PRDM16: variants seen among roughly 807,000 people sequenced by gnomAD.
PRDM16 encodes the protein histone-lysine N-methyltransferase PRDM16.
A neutral mutation model predicts 110.6 loss-of-function variants in PRDM16; 23 were observed. The observed-to-expected ratio is 0.21, with a 90% confidence interval of 0.15 to 0.29. The LOEUF (loss-of-function observed/expected upper bound fraction) is 0.29, where lower values mean the gene tolerates loss of function less well. PRDM16 is among the 10% of genes least tolerant of loss of function. The pLI is 1.00. For synonymous variants in PRDM16, 799 were observed against 781.8 expected, an observed-to-expected ratio of 1.02 and a Z score of -0.37; for missense variants, 1,615 against 1,794.3, an observed-to-expected ratio of 0.90 and a Z score of 1.81.
At chr1:3,176,419 T>C (rs1569765252) in intron 1 of PRDM16, among the ~76,000 whole-genome samples, 2 of 151,300 alleles carry the variant, frequency 1.3e-5, no homozygotes, top group East Asian at 4.0e-4. Flanking sequence ...GGGTCCTGCC[T>C]CTTTCAGAGC....
chr1:3,239,933 G>T (rs563921495), intron 2 of PRDM16, among the ~76,000 whole-genome samples: 1 of 151,654 alleles, frequency 6.6e-6, no homozygotes, highest in East Asian at 1.9e-4. Flanking sequence ...GGAGGCTGGG[G>T]GTGGGCGGGG....
At chr1:3,305,726 C>T (rs992989373) in intron 3 of PRDM16, among the ~76,000 whole-genome samples, 2 of 152,240 alleles carry the variant, frequency 1.3e-5, no homozygotes, top group African/African-American at 4.8e-5. Flanking sequence ...AGCTCCGCGA[C>T]TTTTGCAAGT....
At chr1:3,276,716 C>T (rs1275952785) in intron 3 of PRDM16, among the ~76,000 whole-genome samples, 1 of 136,202 alleles carries the variant, frequency 7.3e-6, no homozygotes, top group African/African-American at 3.4e-5. Flanking sequence ...ACAGAGCCAG[C>T]GAGGGGTGCC....
intron 3 of PRDM16, among the ~76,000 whole-genome samples, chr1:3,342,937 A>T (rs1041190563): frequency 6.6e-6 from 1 of 152,134 alleles, no homozygotes; most frequent in Non-Finnish European, 1.5e-5. Context: ...GCTATTACAG[A>T]TAAAGTTTCT....
chr1:3,139,870 C>T (rs1643513090), intron 1 of PRDM16, among the ~76,000 whole-genome samples: 1 of 152,226 alleles, frequency 6.6e-6, no homozygotes, highest in African/African-American at 2.4e-5. Flanking sequence ...CACCTCTTTT[C>T]CTCCTCCCTG....
chr1:3,073,914 C>T (rs767966397), intron 1 of PRDM16, among the ~76,000 whole-genome samples: 3 of 152,176 alleles, frequency 2.0e-5, no homozygotes, highest in East Asian at 1.9e-4. Flanking sequence ...CCCTCGACCT[C>T]GTGCGGGACA....
At chr1:3,169,227 G>T (rs1216266320) in intron 1 of PRDM16, among the ~76,000 whole-genome samples, 2 of 152,158 alleles carry the variant, frequency 1.3e-5, no homozygotes, top group African/African-American at 4.8e-5. Flanking sequence ...AAAACCCATG[G>T]TTTGGAACCT....
rs1642803017 is a variant in PRDM16 at position 3,365,941 on chromosome 1, A to AAC, written c.439-19210_439-19209dup. On this transcript the variant is annotated intron_variant, in intron 3 of 16. Coordinates refer to ENST00000270722, the MANE Select transcript of PRDM16 (RefSeq NM_022114.4). ...ATACACACACGCACACATGCACACA[A>AAC]ACGCACACGCATGCACACATGCACA... Among the ~76,000 whole-genome samples, 5 of 89,730 alleles carry AAC rather than the reference A, an allele frequency of 5.6e-5. No individual in the cohort carries two copies. In the South Asian group the frequency reaches 1.6e-3, roughly 29 times the overall value. 58.9% of individuals were successfully genotyped at this position (89,730 alleles called of 152,430 possible).
intron 1 of PRDM16, among the ~76,000 whole-genome samples, chr1:3,104,596 C>T (rs1166005328): frequency 8.7e-6 from 1 of 114,512 alleles, no homozygotes; most frequent in African/African-American, 3.9e-5. Flanking sequence ...GCCCCGCCTA[C>T]ACATCCAGGA....
chr1:3,146,275 G>T (rs74808770), intron 1 of PRDM16, among the ~76,000 whole-genome samples: 6 of 152,208 alleles, frequency 3.9e-5, no homozygotes, highest in Non-Finnish European at 7.3e-5. Context: ...GGGTGGGGGG[G>T]GCCTCCCCGC....
chr1:3,280,393 G>T (rs72848098), intron 3 of PRDM16, among the ~76,000 whole-genome samples: 2,535 of 152,308 alleles, frequency 0.017, 72 homozygotes, highest in African/African-American at 0.057. Context: ...ATATCTGGGA[G>T]GGTGCAGAGT....
Position 3,382,670 on chromosome 1 carries a change from G to A in PRDM16, c.439-2482G>A, listed in dbSNP as rs749590754. 6.6e-6 allele frequency among the ~76,000 whole-genome samples: 1 copy of A among 152,186 alleles called. No individual in the cohort carries two copies. Among genetic ancestry groups the A allele is most frequent in the Non-Finnish European group, 1.5e-5 (1 of 68,028 alleles). The stretch of plus-strand genomic sequence containing the variant: ...GAAGTGGCCTGAGCCCCATCAGCTG[G>A]TCCCTGGGCTGAGGGGGATGCACTC... On this transcript the variant is annotated intron_variant, in intron 3 of 16. Coordinates refer to ENST00000270722, the MANE Select transcript of PRDM16 (RefSeq NM_022114.4). This position sits in a 1 kb window ranked among gnomAD's most constrained non-coding sequence, Gnocchi z 6.6.
chr1:3,428,553 C>G (rs1483150216), intron 14 of PRDM16, among the ~76,000 whole-genome samples: 1 of 152,200 alleles, frequency 6.6e-6, no homozygotes, highest in Non-Finnish European at 1.5e-5. Flanking sequence ...GTCCAGCTGG[C>G]CTGGTCCTGA....
intron 3 of PRDM16, among the ~76,000 whole-genome samples, chr1:3,346,821 C>T (rs548724663): frequency 2.0e-4 from 30 of 152,196 alleles, no homozygotes; most frequent in African/African-American, 2.2e-4. Context: ...GCCTAGTGAC[C>T]GGCTGAACAG....
intron 5 of PRDM16, among the ~76,000 whole-genome samples, chr1:3,402,277 C>T (rs1353583620): frequency 1.3e-5 from 2 of 152,244 alleles, no homozygotes; most frequent in African/African-American, 4.8e-5. Context: ...AGCCCCCCAC[C>T]GGGATGACAG....
intron 3 of PRDM16, chr1:3,306,911 A>C (rs1196459405): frequency 6.6e-6 from 1 of 152,158 alleles, no homozygotes; most frequent in Non-Finnish European, 1.5e-5. Context: ...TGGAAATTCA[A>C]ATGAATGGAT....
chr1:3,210,211 C>A (rs1638848590), intron 2 of PRDM16, among the ~76,000 whole-genome samples: 1 of 152,244 alleles, frequency 6.6e-6, no homozygotes. Flanking sequence ...CCTGCACTCA[C>A]AGGCAGGTGG....
At chr1:3,180,536 C>G (rs891475505) in intron 1 of PRDM16, among the ~76,000 whole-genome samples, 2 of 152,142 alleles carry the variant, frequency 1.3e-5, no homozygotes, top group Admixed American at 6.5e-5. Flanking sequence ...GACCGAGTCC[C>G]CACAGGGCCC....
intron 1 of PRDM16, among the ~76,000 whole-genome samples, chr1:3,114,371 C>T (rs1403032236): frequency 2.7e-5 from 4 of 145,892 alleles, no homozygotes; most frequent in Middle Eastern, 4.0e-3. Context: ...CACGCACACA[C>T]GCAGGTGTAA....
Sources: allele counts gnomAD v4.1 joint callset (sites outside exome capture counted in the v4.1 genomes callset), GRCh38; gene constraint gnomAD v4.1.1; non-coding constraint Gnocchi (gnomAD v3.1); transcripts MANE v1.5; gene names NCBI Gene and HGNC (gene_info 2026-07-23, HGNC 2026-07-21).